MIAT: variants seen among roughly 807,000 people sequenced by gnomAD.
The protein encoded by MIAT is myocardial infarction associated transcript, also known as MI related novel mRNA.
At chr22:26,646,963 A>G (rs1229095868) in intron 1 of MIAT, 2 of 398,524 alleles carry the variant, frequency 5.0e-6, no homozygotes, top group African/African-American at 4.1e-5. Flanking sequence ...AAGCCAGGTA[A>G]GTCCCTGAAA....
At chr22:26,667,258 A>G (rs771283181) in exon 5 of MIAT, 1 of 398,596 alleles carries the variant, frequency 2.5e-6, no homozygotes, top group Non-Finnish European at 4.4e-6. Context: ...ACATGATCCC[A>G]TCTGCTCAGA....
intron 2 of MIAT, among the ~76,000 whole-genome samples, chr22:26,648,962 G>C (rs998712577): frequency 6.8e-6 from 1 of 147,364 alleles, no homozygotes; most frequent in African/African-American, 2.5e-5. Context: ...AGACTACCAG[G>C]CTGAAGTCAA....
At chr22:26,671,560 A>G, downstream of MIAT, 1 of 398,780 alleles carries the variant, frequency 2.5e-6, no homozygotes, top group Non-Finnish European at 4.4e-6. Context: ...TGTGCAGCTC[A>G]TGGGCCTTTC....
intron 2 of MIAT, among the ~76,000 whole-genome samples, chr22:26,659,415 T>A (rs1385059251): frequency 2.6e-5 from 4 of 152,208 alleles, no homozygotes; most frequent in Admixed American, 2.6e-4. Flanking sequence ...TGTTCTGAAA[T>A]CTACTCATTT....
downstream of MIAT, chr22:26,672,248 C>A (rs1278119761): frequency 2.0e-5 from 8 of 399,114 alleles, no homozygotes; most frequent in Admixed American, 2.6e-4. Flanking sequence ...GAGCTCTGGG[C>A]TCCCCCCGGG....
chr22:26,671,206 G>A, downstream of MIAT: 1 of 398,678 alleles, frequency 2.5e-6, no homozygotes, highest in Non-Finnish European at 4.4e-6. Flanking sequence ...TGAAATATTT[G>A]CAGGGGGTGC....
At chr22:26,660,619 T>C (rs1930630224) in intron 2 of MIAT, 1 of 152,244 alleles carries the variant, frequency 6.6e-6, no homozygotes, top group Non-Finnish European at 1.5e-5. Flanking sequence ...GAGATAAGCA[T>C]GGTCTACTTC....
At chr22:26,653,061 C>T (rs933383097) in intron 2 of MIAT, among the ~76,000 whole-genome samples, 1 of 152,148 alleles carries the variant, frequency 6.6e-6, no homozygotes, top group African/African-American at 2.4e-5. Flanking sequence ...CTCTACTTCT[C>T]AAACCAAGCA....
At chr22:26,652,604 C>T (rs746984838) in intron 2 of MIAT, among the ~76,000 whole-genome samples, 1 of 152,144 alleles carries the variant, frequency 6.6e-6, no homozygotes, top group Non-Finnish European at 1.5e-5. Flanking sequence ...GATCTGCCCC[C>T]CTCGGCCTCC....
chr22:26,669,317 TTTCTGCCAG>T, exon 6 of MIAT: 1 of 398,786 alleles, frequency 2.5e-6, no homozygotes. Flanking sequence ...AGGAATTTAT[TTTCTGCCAG>T]TTCTGGAGGC....
intron 2 of MIAT, among the ~76,000 whole-genome samples, chr22:26,652,149 A>G (rs762571880): frequency 6.6e-6 from 1 of 152,062 alleles, no homozygotes; most frequent in Non-Finnish European, 1.5e-5. Flanking sequence ...ACACACTACC[A>G]TGCCTGGCTA....
chr22:26,648,911 G>A (rs919617009), intron 2 of MIAT, among the ~76,000 whole-genome samples: 3 of 133,230 alleles, frequency 2.3e-5, no homozygotes, highest in Admixed American at 7.3e-5. Flanking sequence ...GAGTGAGAGG[G>A]AGAGAGCGAG....
exon 6 of MIAT, chr22:26,668,585 C>A: frequency 2.5e-6 from 1 of 398,956 alleles, no homozygotes; most frequent in South Asian, 1.3e-4. Context: ...CACACTTTCC[C>A]CAAGGCTGGG....
At chr22:26,656,312 G>A (rs1384592989) in intron 2 of MIAT, among the ~76,000 whole-genome samples, 1 of 146,856 alleles carries the variant, frequency 6.8e-6, no homozygotes, top group Non-Finnish European at 1.5e-5. Flanking sequence ...ACCGTGCCCG[G>A]CCTCTTTTCT....
chr22:26,666,740 C>A (rs1339870096), exon 4 of MIAT: 7 of 398,612 alleles, frequency 1.8e-5, no homozygotes, highest in Non-Finnish European at 2.7e-5. Flanking sequence ...TGCCTGGGCC[C>A]AGCCTCCCTG....
exon 6 of MIAT, chr22:26,668,925 G>T (rs1298901929): frequency 7.5e-6 from 3 of 398,662 alleles, no homozygotes; most frequent in African/African-American, 6.2e-5. Flanking sequence ...TAAGATTTAG[G>T]CTAGGGAAAT....
intron 2 of MIAT, among the ~76,000 whole-genome samples, chr22:26,655,716 G>A (rs1930419575): frequency 6.6e-6 from 1 of 152,238 alleles, no homozygotes; most frequent in African/African-American, 2.4e-5. Flanking sequence ...TTCTAGCACA[G>A]TGGTTCTCCA....
At chr22:26,656,477 A>T (rs1405962308) in intron 2 of MIAT, among the ~76,000 whole-genome samples, 2 of 149,816 alleles carry the variant, frequency 1.3e-5, no homozygotes, top group East Asian at 4.0e-4. Context: ...GGCACCCGCC[A>T]CCACACCCGG....
exon 4 of MIAT, chr22:26,665,854 C>T (rs1930826069): frequency 2.5e-6 from 1 of 398,516 alleles, no homozygotes; most frequent in African/African-American, 2.1e-5. Context: ...ACAAACATTA[C>T]CGTCTGGAAC....
Sources: allele counts gnomAD v4.1 joint callset (sites outside exome capture counted in the v4.1 genomes callset), GRCh38; gene constraint gnomAD v4.1.1; transcripts MANE v1.5; gene names NCBI Gene and HGNC (gene_info 2026-07-23, HGNC 2026-07-21).